Variants in GPR161 observed in about 807,000 individuals in gnomAD.
GPR161 encodes the protein G protein-coupled receptor 161, also known as G-protein coupled receptor RE2.
Under a neutral mutation model 39.2 loss-of-function variants are expected in GPR161, and 25 were observed. The observed-to-expected ratio is 0.64, with a 90% CI of 0.47 to 0.89. GPR161 has a LOEUF of 0.89. Ranked by LOEUF, GPR161 falls within the 40% of genes least tolerant of loss-of-function variation. GPR161 has a pLI of 0.00. For synonymous variants in GPR161, 286 were observed against 276.6 expected (o/e 1.03, Z -0.34); for missense variants, 547 against 677.8 (o/e 0.81, Z 2.14).
intron 2 of GPR161, 64 bp downstream of exon 2, chr1:168,104,413 G>A: frequency 7.3e-7 from 1 of 1,369,566 alleles, no homozygotes; most frequent in Non-Finnish European, 1.0e-6. Flanking sequence ...CAGTCAGAGG[G>A]ACACTGCACC....
intron 1 of GPR161, chr1:168,133,963 GAGA>G (rs1558146014): frequency 1.6e-6 from 1 of 615,436 alleles, no homozygotes. Flanking sequence ...CAAAGGTGGG[GAGA>G]AGGAGTAGAG....
At chr1:168,086,122 A>T (rs1694471469) in intron 5 of GPR161, among the ~76,000 whole-genome samples, 1 of 152,232 alleles carries the variant, frequency 6.6e-6, no homozygotes, top group South Asian at 2.1e-4. Flanking sequence ...CATAGAAAAG[A>T]CTTGATAAAT....
At chr1:168,091,218 G>C (rs1695027723) in intron 3 of GPR161, among the ~76,000 whole-genome samples, 1 of 152,132 alleles carries the variant, frequency 6.6e-6, no homozygotes, top group African/African-American at 2.4e-5. Context: ...TCAGGAACGG[G>C]GTTGGGGGGT....
intron 1 of GPR161, among the ~76,000 whole-genome samples, chr1:168,112,346 G>A (rs1255770400): frequency 1.3e-5 from 2 of 151,930 alleles, no homozygotes; most frequent in East Asian, 1.9e-4. Context: ...CAGGCGTGGT[G>A]GTGGGTGCCT....
upstream of GPR161, chr1:168,136,973 G>A (rs1341456403): frequency 2.3e-6 from 1 of 432,104 alleles, no homozygotes; most frequent in Non-Finnish European, 2.6e-6. Flanking sequence ...CCCCACGCCC[G>A]GCCGGGCCCC....
At chr1:168,123,537 TACACACACACACACAC>T (rs10534836) in intron 1 of GPR161, among the ~76,000 whole-genome samples, 12 of 138,220 alleles carry the variant, frequency 8.7e-5, no homozygotes, top group Middle Eastern at 3.6e-3. Flanking sequence ...TGCACATACA[TACACACACACACACAC>T]ACACACACAC....
intron 2 of GPR161, among the ~76,000 whole-genome samples, chr1:168,102,237 C>T (rs1472556776): frequency 6.6e-6 from 1 of 152,228 alleles, no homozygotes; most frequent in Non-Finnish European, 1.5e-5. Flanking sequence ...GGGGCCTCTC[C>T]ACCTGTTACG....
chr1:168,097,549 T>C (rs1303206046), intron 2 of GPR161, among the ~76,000 whole-genome samples: 3 of 152,282 alleles, frequency 2.0e-5, no homozygotes, highest in African/African-American at 7.2e-5. Context: ...GATTATGCAT[T>C]GGGCCAGATC....
intron 4 of GPR161, chr1:168,089,109 G>C (rs1054084310): frequency 1.3e-5 from 2 of 152,128 alleles, no homozygotes; most frequent in Non-Finnish European, 2.9e-5. Context: ...ATGAACTGAA[G>C]CCTCCACAAC....
At chr1:168,115,775 A>G (rs1032629427) in intron 1 of GPR161, among the ~76,000 whole-genome samples, 1 of 151,492 alleles carries the variant, frequency 6.6e-6, no homozygotes, top group African/African-American at 2.4e-5. Context: ...TGCTCCAGAG[A>G]AAATTTTTTT....
intron 2 of GPR161, among the ~76,000 whole-genome samples, chr1:168,102,350 C>T (rs986173417): frequency 2.0e-5 from 3 of 152,090 alleles, no homozygotes; most frequent in African/African-American, 4.8e-5. Flanking sequence ...GTGGAGTTGT[C>T]GATGGTGGTT....
chr1:168,079,775 C>G lies in GPR161; in HGVS notation c.*5756G>C, dbSNP rs1693940512. 1 of 152,170 alleles carries G rather than the reference C, an allele frequency of 6.6e-6. No homozygotes were observed. Among genetic ancestry groups the G allele is most frequent in the Admixed American group, 6.5e-5 (1 of 15,272 alleles). The allele number at this position is 152,170 out of a possible 1,614,324, so 9.4% of individuals were successfully genotyped here. On this transcript the variant is annotated 3_prime_UTR_variant, in exon 6 of 6. Coordinates refer to ENST00000682931, the MANE Select transcript of GPR161 (RefSeq NM_001375883.1). ...TATTATGAGAACACAACACAGTCCT[C>G]TGTCCCTTAAGCATGCAGGTTCCTT...
intron 1 of GPR161, among the ~76,000 whole-genome samples, chr1:168,128,914 T>A (rs1206473812): frequency 6.6e-6 from 1 of 152,188 alleles, no homozygotes; most frequent in African/African-American, 2.4e-5. Flanking sequence ...TATTCTTGTT[T>A]TCCCATTCCT....
At chr1:168,117,164 T>G (rs1385314073) in intron 1 of GPR161, among the ~76,000 whole-genome samples, 1 of 152,188 alleles carries the variant, frequency 6.6e-6, no homozygotes, top group East Asian at 1.9e-4. Context: ...TCCAAGCTCT[T>G]GGATTCTGGG....
At position 168,104,867 on chromosome 1, in the gene GPR161, C is replaced by G. The variant is rs770472020; in HGVS notation, c.-17G>C. 1 of 1,610,928 alleles carries G rather than the reference C, an allele frequency of 6.2e-7. No homozygotes were observed. Among genetic ancestry groups the G allele is most frequent in the South Asian group, 1.1e-5 (1 of 90,932 alleles). ...GAGGCTCATGGTCAGTGCACCTCGGCGTGGGGTGGGCAGAGCATGCTGGAC... is the reference window on the plus strand; with the variant it reads ...GAGGCTCATGGTCAGTGCACCTCGGGGTGGGGTGGGCAGAGCATGCTGGAC... On this transcript the variant is annotated 5_prime_UTR_variant, in exon 2 of 6. Coordinates refer to ENST00000682931, the MANE Select transcript of GPR161 (RefSeq NM_001375883.1).
At chr1:168,111,529 T>C (rs1303423592) in intron 1 of GPR161, among the ~76,000 whole-genome samples, 5 of 152,176 alleles carry the variant, frequency 3.3e-5, no homozygotes, top group Non-Finnish European at 2.9e-5. Context: ...AAAGGGAGCC[T>C]GGAGCTGTGG....
chr1:168,136,161 C>T (rs970431040), intron 1 of GPR161: 14 of 1,268,536 alleles, frequency 1.1e-5, no homozygotes, highest in Non-Finnish European at 1.4e-5. Flanking sequence ...AGCCGCCCAT[C>T]CGGCGGCGCC....
chr1:168,105,680 A>G (rs866655874), intron 1 of GPR161, among the ~76,000 whole-genome samples: 3 of 152,254 alleles, frequency 2.0e-5, no homozygotes, highest in Admixed American at 6.5e-5. Context: ...GCCCACAGAC[A>G]TCACTGTCTA....
At chr1:168,116,204 G>A (rs928588684) in intron 1 of GPR161, among the ~76,000 whole-genome samples, 2 of 152,190 alleles carry the variant, frequency 1.3e-5, no homozygotes, top group Admixed American at 6.5e-5. Flanking sequence ...TGTCCACTCT[G>A]TGAATCCCAC....
Sources: allele counts gnomAD v4.1 joint callset (sites outside exome capture counted in the v4.1 genomes callset), GRCh38; gene constraint gnomAD v4.1.1; transcripts MANE v1.5; gene names NCBI Gene and HGNC (gene_info 2026-07-23, HGNC 2026-07-21).